SPTBN5: variants seen among roughly 807,000 people sequenced by gnomAD.
The protein encoded by SPTBN5 is spectrin beta chain, non-erythrocytic 5.
A neutral mutation model predicts 477.6 loss-of-function variants in SPTBN5; 513 were observed. That is an observed-to-expected ratio of 1.07 (90% CI 1.00 to 1.16). The LOEUF is 1.16. Ranked by LOEUF, SPTBN5 falls within the 50% of genes most tolerant of loss-of-function variation. SPTBN5 has a pLI of 0.00. For synonymous variants in SPTBN5, 2,169 were observed against 2,011.7 expected (o/e 1.08, Z -2.09); for missense variants, 5,062 against 4,731.8 (o/e 1.07, Z -2.05).
rs12708402 is a variant in SPTBN5 at position 41,879,264 on chromosome 15, C to T, written c.3178G>A (p.Val1060Ile). ...CCACCACTGCGCTGGCCGTACTTTA[C>T]GACCACACTTTGGAGGAAGTGGACC... ...RRVHFLQSVVVKVEEPGYAES... is the reference protein window; with the variant it reads ...RRVHFLQSVVIKVEEPGYAES... The change falls in exon 16 of 68, where the codon GTA becomes ATA. Residue 1060 changes from valine to isoleucine, a missense_variant. Coordinates refer to ENST00000320955, the MANE Select transcript of SPTBN5 (RefSeq NM_016642.4). 0.24 allele frequency: 384,578 copies of T among 1,610,236 alleles called. 48,072 individuals carry two copies. Among genetic ancestry groups the T allele is most frequent in the Middle Eastern group, 0.4 (2,379 of 5,898 alleles).
At chr15:41,871,081 GAGCTGGGGT>G (rs1195691285) in intron 29 of SPTBN5, among the ~76,000 whole-genome samples, 1 of 152,240 alleles carries the variant, frequency 6.6e-6, no homozygotes, top group African/African-American at 2.4e-5. Flanking sequence ...GTGAGCACAG[GAGCTGGGGT>G]AGCTCAGGGG....
At chr15:41,887,165 G>GTCT in intron 6 of SPTBN5, 48 bp downstream of exon 6, 2 of 1,517,572 alleles carry the variant, frequency 1.3e-6, no homozygotes, top group South Asian at 2.4e-5. Context: ...GCTTAGGCCT[G>GTCT]TCTGCCTCTG....
Position 41,858,680 on chromosome 15 carries a change from C to T in SPTBN5, c.8148G>A (p.Leu2716=). 6.2e-7 allele frequency: 1 copy of T among 1,610,650 alleles called. No homozygotes were observed. ...TCTGCTGCTTCTGTAACTGTGCTGG[C>T]AGCATGGCTGTGTCCAGCAAACCCT... ...LEEGLLDTAM[L]PAQLQKQQNF... The change falls in exon 49 of 68, where the codon CTG becomes CTA. Residue 2716 remains leucine (L), a synonymous_variant. Coordinates refer to ENST00000320955, the MANE Select transcript of SPTBN5 (RefSeq NM_016642.4).
At position 41,881,955 on chromosome 15, in the gene SPTBN5, G is replaced by C; in HGVS notation, c.2438C>G (p.Ala813Gly). 1.3e-6 allele frequency: 2 copies of C among 1,528,724 alleles called. No homozygotes were observed. The highest frequency in any genetic ancestry group is 1.7e-6 in the Non-Finnish European group (2 of 1,146,960). The allele number at this position is 1,528,724 out of a possible 1,614,324, so 94.7% of individuals were successfully genotyped here. The change falls in exon 12 of 68, where the codon GCC becomes GGC. Residue 813 changes from alanine (A) to glycine (G), a missense_variant. Transcript: ENST00000320955. ...RLEEQGRAAS[A>G]RASLFTVNSA... ...CCTCACCGTGAATAACGACGCCCGG[G>C]CCGAGGCCGCCCGCCCCTGCTCCTC... is the stretch of plus-strand genomic sequence containing the variant.
Position 41,855,599 on chromosome 15 carries a change from C to T in SPTBN5, c.9168G>A (p.Glu3056=). The change falls in exon 54 of 68, where the codon GAG becomes GAA. Residue 3056 remains glutamate (E), a synonymous_variant. Coordinates refer to ENST00000320955, the MANE Select transcript of SPTBN5 (RefSeq NM_016642.4). ...GGAGTGCTGCTGTCTGCTGCAGCCG[C>T]TCGATGCGTGGGCTGAACGCTTCCA... is the stretch of plus-strand genomic sequence containing the variant. The part of the protein sequence containing the change: ...RDLEAFSPRI[E]RLQQTAALLE... 5 of 1,611,936 alleles carry T rather than the reference C, an allele frequency of 3.1e-6. No homozygotes were observed. Among genetic ancestry groups the T allele is most frequent in the Non-Finnish European group, 4.2e-6 (5 of 1,179,784 alleles).
At chr15:41,855,465 G>C (rs1672467) in intron 54 of SPTBN5, 37 bp from the exon 55 acceptor site, 1,422,128 of 1,591,172 alleles carry the variant, frequency 0.89, 636,554 homozygotes, top group East Asian at 0.99. Context: ...CTGCAGCCCT[G>C]CCTTTCCAGG....
chr15:41,867,464 G>A (rs1340021838), intron 35 of SPTBN5, 74 bp downstream of exon 35: 18 of 1,391,760 alleles, frequency 1.3e-5, no homozygotes, highest in Admixed American at 6.7e-5. Flanking sequence ...CACACCAAGC[G>A]CCCCGTGACC....
At position 41,853,432 on chromosome 15, in the gene SPTBN5, C is replaced by T. The variant is rs531292146; in HGVS notation, c.9996G>A (p.Glu3332=). 10 of 1,585,390 alleles carry T rather than the reference C, an allele frequency of 6.3e-6. No individual in the cohort carries two copies. The highest frequency in any genetic ancestry group is 1.3e-5 in the African/African-American group (1 of 74,566). The change falls in exon 59 of 68, where the codon GAG becomes GAA. Residue 3332 remains glutamate (E), a synonymous_variant. Coordinates refer to ENST00000320955, the MANE Select transcript of SPTBN5 (RefSeq NM_016642.4). ...CCTCGGAGGACGCCAGCTCCTGCCT[C>T]TCCTGTGCCCATGCTCTGTGGGGCA... is the stretch of plus-strand genomic sequence containing the variant. ...RCQELLAWAQ[E]RQELASSEEL...
chr15:41,856,430 G>A lies in SPTBN5; in HGVS notation c.8977C>T (p.Leu2993Phe). The A allele has an allele frequency of 6.3e-7, 1 of 1,593,482 alleles. No individual in the cohort carries two copies. Among genetic ancestry groups the A allele is most frequent in the Non-Finnish European group, 8.6e-7 (1 of 1,169,418 alleles). ...GCCTCCTGAGCCTGCTGCAGCAGAA[G>A]CCGCCTCCGCGCCGCCTCTGCCCGC... ...HLRAEAARRRLLLQQAQEAQQ... is the reference protein window; with the variant it reads ...HLRAEAARRRFLLQQAQEAQQ... Residue 2993 changes from leucine (L) to phenylalanine (F), a missense_variant, in exon 53 of 68, where the codon CTT becomes TTT. Coordinates refer to ENST00000320955, the MANE Select transcript of SPTBN5 (RefSeq NM_016642.4).
chr15:41,858,904 G>A lies in SPTBN5; in HGVS notation c.8065C>T (p.Gln2689Ter), dbSNP rs767469092. The A allele has an allele frequency of 3.1e-6, 5 of 1,591,482 alleles. No homozygotes were observed. In the East Asian group the frequency reaches 9.0e-5, roughly 29 times the overall value. Reference sequence around the variant, plus strand: ...GCGAGGCGAACCTCCTGGGAGTCCTGCAGGAAGGCCTGCAGCTGCCGGAGC... The same window carrying A: ...GCGAGGCGAACCTCCTGGGAGTCCTACAGGAAGGCCTGCAGCTGCCGGAGC... ...EELRQLQAFL[Q>*]DSQEVAAWLR... Residue 2689 changes from glutamine (Q) to a stop codon, truncating the protein, a stop_gained, in exon 48 of 68, where the codon CAG becomes TAG. Coordinates refer to ENST00000320955, the MANE Select transcript of SPTBN5 (RefSeq NM_016642.4). LOFTEE classifies it high-confidence loss of function.
At chr15:41,856,272 A>T in intron 53 of SPTBN5, 114 bp downstream of exon 53, 1 of 946,176 alleles carries the variant, frequency 1.1e-6, no homozygotes, top group South Asian at 1.9e-5. Flanking sequence ...GCAGGAGACC[A>T]CTGAGTGGAG....
chr15:41,871,448 G>A lies in SPTBN5; in HGVS notation c.5374C>T (p.Leu1792=), dbSNP rs1183555332. The change falls in exon 29 of 68, where the codon CTG becomes TTG. Residue 1792 remains leucine, a synonymous_variant. Transcript: ENST00000320955. ...CGCTCTAGCAGGCTCTCCGCCAGCA[G>A]CCGGCAGGCGGCCACCCGCTGGCTG... is the stretch of plus-strand genomic sequence containing the variant. ...MGSQRVAACR[L]LAESLLERGH... The A allele has an allele frequency of 5.2e-6, 8 of 1,540,774 alleles. No individual in the cohort carries two copies.
Position 41,878,423 on chromosome 15 carries a change from A to G in SPTBN5, c.3389T>C (p.Val1130Ala), listed in dbSNP as rs763718391. Residue 1130 changes from valine to alanine, a missense_variant, in exon 17 of 68, where the codon GTG (valine) becomes GCG (alanine). Transcript: ENST00000320955. ...CTGAGCCGAGGCCACATCCACTGAC[A>G]CCTCCTTGCTGCGCAGCTGAGCCTG... ...SVQAQLRSKE[V>A]SVDVASAQRL... is the part of the protein sequence containing the mutation. 1 of 1,612,958 alleles carries G rather than the reference A, an allele frequency of 6.2e-7. No individual in the cohort carries two copies. Among genetic ancestry groups the G allele is most frequent in the East Asian group, 2.2e-5 (1 of 44,826 alleles).
chr15:41,882,817 C>T, intron 9 of SPTBN5, 79 bp from the exon 10 acceptor site: 1 of 1,509,510 alleles, frequency 6.6e-7, no homozygotes, highest in Non-Finnish European at 8.9e-7. Context: ...GGTTTAGACA[C>T]TCCCCTTAGA....
At chr15:41,865,698 G>T in intron 39 of SPTBN5, 110 bp downstream of exon 39, 2 of 987,120 alleles carry the variant, frequency 2.0e-6, no homozygotes, top group Non-Finnish European at 3.0e-6. Context: ...CATAGGAGGA[G>T]CAGGCATGGC....
rs753818843 is a variant in SPTBN5 at position 41,860,568 on chromosome 15, C to T, written c.7988+18G>A. On this transcript the variant is annotated intron_variant, in intron 47 of 67. Transcript: ENST00000320955. ...GCCAGCCTGCCCACAGCACCCCTCA[C>T]CCCAGAGCCACCACTACCTCAGAAG... The T allele has an allele frequency of 4.3e-5, 60 of 1,404,634 alleles. No individual in the cohort carries two copies. Among genetic ancestry groups the T allele is most frequent in the Non-Finnish European group, 5.3e-5 (57 of 1,073,340 alleles). The allele number at this position is 1,404,634 out of a possible 1,614,324, so 87.0% of individuals were successfully genotyped here.
chr15:41,862,420 C>T (rs1309226473), intron 43 of SPTBN5, 119 bp downstream of exon 43: 6 of 1,520,272 alleles, frequency 3.9e-6, no homozygotes, highest in African/African-American at 2.8e-5. Flanking sequence ...ACTGGGAGGA[C>T]AGTACAGTTA....
rs761987876 is a variant in SPTBN5 at position 41,857,288 on chromosome 15, G to A, written c.8571C>T (p.Gly2857=). The A allele has an allele frequency of 3.8e-6, 6 of 1,573,618 alleles. No homozygotes were observed. The highest frequency in any genetic ancestry group is 1.7e-4 in the Middle Eastern group (1 of 6,008). The change falls in exon 51 of 68, where the codon GGC becomes GGT. Residue 2857 remains glycine, a synonymous_variant. Transcript: ENST00000320955. ...LGQAQAFVRE[G]HCLAQDVEEQ... ...CTTCCACATCTTGGGCAAGGCAGTGGCCTTCCCTCACAAAGGCCTGGGCCT... is the reference window on the plus strand; with the variant it reads ...CTTCCACATCTTGGGCAAGGCAGTGACCTTCCCTCACAAAGGCCTGGGCCT...
rs758855929 is a variant in SPTBN5 at position 41,870,544 on chromosome 15, G to C, written c.5464C>G (p.Leu1822Val). Residue 1822 changes from leucine to valine, a missense_variant, in exon 30 of 68, where the codon CTG becomes GTG. Transcript: ENST00000320955. ...CCTCGGGCCTGGGTCAGCTCCCACA[G>C]CTCCGACCAGGCGGTCCTGCCCACG... ...QQDLQTAWSE[L>V]WELTQARGHA... 1 of 1,609,244 alleles carries C rather than the reference G, an allele frequency of 6.2e-7. No homozygotes were observed. Among genetic ancestry groups the C allele is most frequent in the Non-Finnish European group, 8.5e-7 (1 of 1,179,688 alleles).
Sources: allele counts gnomAD v4.1 joint callset (sites outside exome capture counted in the v4.1 genomes callset), GRCh38; gene constraint gnomAD v4.1.1; transcripts MANE v1.5; gene names NCBI Gene and HGNC (gene_info 2026-07-23, HGNC 2026-07-21).